PDE11A: variants seen among roughly 807,000 people sequenced by gnomAD.
PDE11A encodes dual 3',5'-cyclic-AMP and -GMP phosphodiesterase 11A.
Under a neutral mutation model 100.5 loss-of-function variants are expected in PDE11A, and 100 were observed. The observed-to-expected ratio is 1.00, with a 90% CI of 0.85 to 1.18. The LOEUF is 1.18. Among genes scored for constraint, PDE11A ranks in the 50% most tolerant of loss-of-function variants. PDE11A has a pLI of 0.00. For missense variants in PDE11A, 1,141 were observed against 1,152.6 expected, an observed-to-expected ratio of 0.99 and a Z score of 0.15; for synonymous variants, 381 against 420.8, an observed-to-expected ratio of 0.91 and a Z score of 1.16.
chr2:177,850,993 C>A (rs1241404823), intron 5 of PDE11A, among the ~76,000 whole-genome samples: 2 of 152,192 alleles, frequency 1.3e-5, no homozygotes, highest in African/African-American at 4.8e-5. Context: ...CCTCAAGGAT[C>A]TAGAACTAGA....
rs1295730497 is a variant in PDE11A, at chr2:178,043,152, C to A, written c.912+28374G>T. ...TCTGGCTGATATTAGGTACTGGGTG[C>A]CCATTTGTGAAATGGAACTTAAGGA... On this transcript the variant is annotated intron_variant, in intron 1 of 19. Transcript: ENST00000286063. Among the ~76,000 whole-genome samples the A allele has an allele frequency of 2.6e-5, 4 of 152,148 alleles. No individual in the cohort carries two copies. The East Asian group carries it at 7.7e-4, about 29-fold the overall frequency.
At chr2:177,846,058 AGG>A (rs2083596472) in intron 5 of PDE11A, among the ~76,000 whole-genome samples, 2 of 151,836 alleles carry the variant, frequency 1.3e-5, no homozygotes, top group Admixed American at 1.3e-4. Flanking sequence ...GGAGAGGGAG[AGG>A]GAGAGGGAGA....
At chr2:177,939,346 G>C (rs1383409069) in intron 2 of PDE11A, among the ~76,000 whole-genome samples, 37 of 151,110 alleles carry the variant, frequency 2.4e-4, no homozygotes, top group Admixed American at 1.5e-3. Flanking sequence ...AGGAAGGAGG[G>C]AGGGCGGAAG....
At chr2:177,687,211 T>C (rs188671409) in intron 15 of PDE11A, 3 of 152,316 alleles carry the variant, frequency 2.0e-5, no homozygotes, top group Admixed American at 2.0e-4. Flanking sequence ...AGAGTTTCCA[T>C]CTACCTCCCT....
At chr2:177,651,379 A>G (rs1315525866) in intron 19 of PDE11A, among the ~76,000 whole-genome samples, 1 of 152,222 alleles carries the variant, frequency 6.6e-6, no homozygotes, top group Non-Finnish European at 1.5e-5. Flanking sequence ...ACTCTTGGAA[A>G]GGTTGATATT....
chr2:178,078,203 T>C (rs2087231906), intron 2 of PDE11A, among the ~76,000 whole-genome samples: 1 of 152,094 alleles, frequency 6.6e-6, no homozygotes, highest in Non-Finnish European at 1.5e-5. Flanking sequence ...AAACTTCTTT[T>C]TTCCATTAAC....
intron 2 of PDE11A, among the ~76,000 whole-genome samples, chr2:178,010,501 A>G (rs1028904667): frequency 1.3e-5 from 2 of 152,214 alleles, no homozygotes; most frequent in Non-Finnish European, 2.9e-5. Flanking sequence ...TATCTATAAC[A>G]TGGAATGAGA....
chr2:177,788,586 T>C (rs1169906705), intron 9 of PDE11A, among the ~76,000 whole-genome samples: 17 of 151,188 alleles, frequency 1.1e-4, no homozygotes, highest in Non-Finnish European at 1.9e-4. Context: ...TTCAAAAAAT[T>C]AATGAATCCA....
chr2:178,018,231 T>G, intron 1 of PDE11A: 1 of 408,508 alleles, frequency 2.4e-6, no homozygotes, highest in East Asian at 6.1e-5. Context: ...TGCTTCCAGC[T>G]GCTGCTTTGA....
chr2:177,796,626 C>T (rs1335165415), intron 9 of PDE11A, among the ~76,000 whole-genome samples: 7 of 152,076 alleles, frequency 4.6e-5, no homozygotes, highest in Admixed American at 3.9e-4. Context: ...GTGTGATCTG[C>T]CACCTTTTGA....
intron 5 of PDE11A, among the ~76,000 whole-genome samples, chr2:177,860,138 A>G (rs2083920478): frequency 6.6e-6 from 1 of 151,848 alleles, no homozygotes; most frequent in African/African-American, 2.4e-5. Context: ...CAAACTAGAG[A>G]ACAGAAAACA....
intron 1 of PDE11A, among the ~76,000 whole-genome samples, chr2:178,028,068 G>A (rs1178994664): frequency 2.0e-5 from 3 of 152,114 alleles, no homozygotes; most frequent in African/African-American, 7.2e-5. Context: ...AAAGGACTTG[G>A]AAGCAGCTTA....
chr2:177,665,478 T>C (rs2080558261), intron 18 of PDE11A, among the ~76,000 whole-genome samples: 1 of 56,944 alleles, frequency 1.8e-5, no homozygotes, highest in Admixed American at 2.1e-4. Flanking sequence ...AGACTCAGTC[T>C]CAAAAAAAAA....
rs149159531 is a variant in PDE11A, at chr2:177,938,348, C to T, written c.1072-33161G>A. On this transcript the variant is annotated intron_variant, in intron 2 of 19. Coordinates refer to ENST00000286063, the MANE Select transcript of PDE11A (RefSeq NM_016953.4). ...TCAGATTCCAAAGGCTCTTCAAGGA[C>T]GTCCATCCATCCCTCTGCTCTGCCA... Among the ~76,000 whole-genome samples the T allele has an allele frequency of 5.3e-5, 8 of 152,276 alleles. No individual in the cohort carries two copies. The East Asian group carries it at 7.7e-4, about 15-fold the overall frequency.
intron 5 of PDE11A, among the ~76,000 whole-genome samples, chr2:177,865,946 C>G (rs906515538): frequency 1.3e-5 from 2 of 151,796 alleles, no homozygotes; most frequent in Admixed American, 6.6e-5. Context: ...GTTGAACAAC[C>G]TTGTGAATAT....
rs532150502 is a variant in PDE11A at position 178,088,143 on chromosome 2, TGTGGG to T, written c.162+16154_162+16158del. 1.7e-4 allele frequency among the ~76,000 whole-genome samples: 26 copies of T among 152,342 alleles called. No homozygotes were observed. The South Asian group carries it at 5.4e-3, about 32-fold the overall frequency. ...TATGTGTTTACATGAAGCCCCACTT[TGTGGG>T]GAATGAGAAATTCAAGCTGAGGAAA... is the stretch of plus-strand genomic sequence containing the variant. On this transcript the variant is annotated intron_variant, in intron 2 of 20. Transcript: ENST00000358450.
At chr2:178,056,886 G>A (rs2086905390) in intron 1 of PDE11A, among the ~76,000 whole-genome samples, 1 of 152,004 alleles carries the variant, frequency 6.6e-6, no homozygotes, top group Non-Finnish European at 1.5e-5. Context: ...AAAAGAGACA[G>A]GCAAGATGAA....
Position 177,626,722 on chromosome 2 carries a change from G to T in PDE11A, c.*2685C>A, listed in dbSNP as rs973505633. 6.6e-6 allele frequency: 1 copy of T among 152,372 alleles called. No homozygotes were observed. Among genetic ancestry groups the T allele is most frequent in the Non-Finnish European group, 1.5e-5 (1 of 68,050 alleles). The allele number at this position is 152,372 out of a possible 1,614,324, so 9.4% of individuals were successfully genotyped here. ...TTCTCCAGTCTTCCCTGCAGAGACAGCTGTAAAGGGTAGCTAGGAACATTA... is the reference window on the plus strand; with the variant it reads ...TTCTCCAGTCTTCCCTGCAGAGACATCTGTAAAGGGTAGCTAGGAACATTA... On this transcript the variant is annotated 3_prime_UTR_variant, in exon 20 of 20. Transcript: ENST00000286063.
At chr2:177,919,180 C>T (rs1348111848) in intron 2 of PDE11A, among the ~76,000 whole-genome samples, 1 of 134,812 alleles carries the variant, frequency 7.4e-6, no homozygotes, top group African/African-American at 2.8e-5. Flanking sequence ...TCACTGCAAC[C>T]TCCGCCTCCC....
Sources: gnomAD v4.1 joint callset for allele counts (sites outside exome capture counted in the v4.1 genomes callset) on GRCh38, gnomAD v4.1.1 for gene constraint, MANE v1.5 for transcripts, NCBI Gene and HGNC (gene_info 2026-07-23, HGNC 2026-07-21) for gene names.